The following TOP6BL variants were observed in gnomAD, a reference collection of about 807,000 sequenced individuals.
The protein encoded by TOP6BL is TOP6B like initiator of meiotic double strand breaks, also known as type 2 DNA topoisomerase 6 subunit B-like.
chr11:66,836,137 C>T, the TOP6BL span, among the ~76,000 whole-genome samples: 2 of 152,188 alleles, frequency 1.3e-5, no homozygotes. Flanking sequence ...AATACTGATG[C>T]TGAGTATCTT....
chr11:66,800,936 G>T, the TOP6BL span: 5 of 1,300,890 alleles, frequency 3.8e-6, no homozygotes, highest in Non-Finnish European at 5.5e-6. Context: ...TCTAGTAATC[G>T]CTGGGGTGGT....
the TOP6BL span, among the ~76,000 whole-genome samples, chr11:66,769,834 G>A: frequency 6.6e-6 from 1 of 151,690 alleles, no homozygotes; most frequent in African/African-American, 2.4e-5. Flanking sequence ...TCCACCTCCC[G>A]GGTTCATGCC....
At chr11:66,843,385 G>C in the TOP6BL span, 66 of 1,430,562 alleles carry the variant, frequency 4.6e-5, no homozygotes, top group Non-Finnish European at 5.9e-5. Flanking sequence ...GCGTGGAGCC[G>C]CGCCGCGGCC....
the TOP6BL span, chr11:66,813,823 C>A: frequency 6.4e-7 from 1 of 1,574,602 alleles, no homozygotes; most frequent in Non-Finnish European, 8.7e-7. Context: ...AATACATAGT[C>A]ATAAGATACT....
At chr11:66,782,549 T>A in the TOP6BL span, among the ~76,000 whole-genome samples, 25 of 152,250 alleles carry the variant, frequency 1.6e-4, no homozygotes, top group South Asian at 5.0e-3. Flanking sequence ...GGGACCACTG[T>A]CCTCTGCTTG....
At chr11:66,744,900 C>T in the TOP6BL span, 6 of 1,266,974 alleles carry the variant, frequency 4.7e-6, no homozygotes, top group Admixed American at 4.2e-5. Context: ...ATGGAGGGGA[C>T]GGCCGTGGCC....
At chr11:66,744,776 CG>C in the TOP6BL span, 3 of 1,229,694 alleles carry the variant, frequency 2.4e-6, no homozygotes, top group Non-Finnish European at 3.0e-6. Context: ...GGCGTGGACT[CG>C]GGCGTGGGCA....
chr11:66,816,688 A>G, the TOP6BL span, among the ~76,000 whole-genome samples: 1 of 152,166 alleles, frequency 6.6e-6, no homozygotes, highest in African/African-American at 2.4e-5. Flanking sequence ...CAGCCTCCCA[A>G]GTAGCTGGGC....
the TOP6BL span, among the ~76,000 whole-genome samples, chr11:66,752,742 C>T: frequency 6.6e-6 from 1 of 152,126 alleles, no homozygotes; most frequent in Non-Finnish European, 1.5e-5. Context: ...CATGAGCCAC[C>T]GTTCCCGGCC....
the TOP6BL span, chr11:66,821,685 T>C: frequency 3.1e-6 from 5 of 1,612,216 alleles, no homozygotes; most frequent in Middle Eastern, 1.7e-4. Context: ...GCCATCCTTG[T>C]GGAGAGCCAC....
chr11:66,813,707 T>A, the TOP6BL span: 1 of 625,522 alleles, frequency 1.6e-6, no homozygotes, highest in Non-Finnish European at 2.7e-6. Flanking sequence ...CACTCCAGCC[T>A]GGGCGACAGA....
At chr11:66,799,097 C>T in the TOP6BL span, among the ~76,000 whole-genome samples, 2 of 151,226 alleles carry the variant, frequency 1.3e-5, no homozygotes, top group Non-Finnish European at 2.9e-5. Context: ...ATCCCAGCTA[C>T]TCAGGAGGCT....
At chr11:66,761,725 C>T in the TOP6BL span, 2 of 790,124 alleles carry the variant, frequency 2.5e-6, no homozygotes, top group Non-Finnish European at 2.2e-6. Flanking sequence ...CATATAAGGC[C>T]CAGTCCAGGG....
chr11:66,786,415 T>C, the TOP6BL span, among the ~76,000 whole-genome samples: 1 of 152,248 alleles, frequency 6.6e-6, no homozygotes, highest in Non-Finnish European at 1.5e-5. Flanking sequence ...TTTCAGCATA[T>C]GCTTAATTCA....
At chr11:66,835,836 G>A in the TOP6BL span, among the ~76,000 whole-genome samples, 3 of 151,942 alleles carry the variant, frequency 2.0e-5, no homozygotes, top group East Asian at 1.9e-4. Flanking sequence ...TCCACTTTTC[G>A]GCTATTATGA....
the TOP6BL span, among the ~76,000 whole-genome samples, chr11:66,756,703 A>G: frequency 6.6e-6 from 1 of 152,060 alleles, no homozygotes; most frequent in Admixed American, 6.6e-5. Context: ...ATCTTTTTAA[A>G]ACAATGTAAA....
the TOP6BL span, among the ~76,000 whole-genome samples, chr11:66,784,350 A>G: frequency 6.6e-6 from 1 of 151,632 alleles, no homozygotes; most frequent in East Asian, 1.9e-4. Context: ...TGTATTTTTT[A>G]TAGAGATGGG....
At chr11:66,752,133 C>CCT in the TOP6BL span, among the ~76,000 whole-genome samples, 3 of 150,858 alleles carry the variant, frequency 2.0e-5, no homozygotes, top group African/African-American at 4.9e-5. Context: ...TTCCTGAATC[C>CCT]CTCTCTCTCT....
At chr11:66,774,733 A>C in the TOP6BL span, among the ~76,000 whole-genome samples, 1 of 151,882 alleles carries the variant, frequency 6.6e-6, no homozygotes, top group African/African-American at 2.4e-5. Context: ...TGCCTCCCAA[A>C]GTGCTGGGAT....
Sources: gnomAD v4.1 joint callset for allele counts (sites outside exome capture counted in the v4.1 genomes callset) on GRCh38, gnomAD v4.1.1 for gene constraint, MANE v1.5 for transcripts, NCBI Gene and HGNC (gene_info 2026-07-23, HGNC 2026-07-21) for gene names.